FOXN2: variants seen among roughly 807,000 people sequenced by gnomAD.
FOXN2 encodes the protein forkhead box protein N2.
FOXN2 carries 19 observed loss-of-function variants against 41.2 expected under a neutral mutation model. The observed-to-expected ratio is 0.46, with a 90% CI of 0.32 to 0.68. FOXN2 has a LOEUF of 0.68. Ranked by LOEUF, FOXN2 falls within the 30% of genes least tolerant of loss-of-function variation. The pLI, the probability that FOXN2 is intolerant of heterozygous loss-of-function variation, is 0.03. For missense variants in FOXN2, 587 were observed against 509.4 expected (o/e 1.15, Z -1.47); for synonymous variants, 195 against 176.8 (o/e 1.10, Z -0.82).
At chr2:48,315,237 C>T (rs1668825686) in intron 1 of FOXN2, among the ~76,000 whole-genome samples, 1 of 152,150 alleles carries the variant, frequency 6.6e-6, no homozygotes, top group Non-Finnish European at 1.5e-5. Context: ...CCAAGCACCT[C>T]GGAGCCTTTG....
intron 3 of FOXN2, among the ~76,000 whole-genome samples, chr2:48,347,065 C>T (rs1438581262): frequency 4.6e-5 from 7 of 151,954 alleles, no homozygotes. Flanking sequence ...ATGATAATCT[C>T]TGCCTTATAA....
chr2:48,326,012 C>G (rs990185290), intron 1 of FOXN2, among the ~76,000 whole-genome samples: 3 of 152,040 alleles, frequency 2.0e-5, no homozygotes, highest in Admixed American at 2.0e-4. Flanking sequence ...CCACGCCCAG[C>G]TAATATTTGT....
chr2:48,354,808 C>G (rs1364168883), intron 3 of FOXN2, among the ~76,000 whole-genome samples: 1 of 152,044 alleles, frequency 6.6e-6, no homozygotes, highest in Non-Finnish European at 1.5e-5. Context: ...GGAGGAAACA[C>G]AAATAGGCAA....
chr2:48,324,546 T>C (rs1300680306), intron 1 of FOXN2, among the ~76,000 whole-genome samples: 3 of 152,202 alleles, frequency 2.0e-5, no homozygotes, highest in Non-Finnish European at 4.4e-5. Context: ...AATGACTTCT[T>C]TGTTTAGTTA....
At chr2:48,356,876 A>G (rs1421795350) in intron 3 of FOXN2, among the ~76,000 whole-genome samples, 2 of 152,218 alleles carry the variant, frequency 1.3e-5, no homozygotes, top group African/African-American at 4.8e-5. Context: ...CAGAAGCCTT[A>G]GAGTTCTAAA....
At chr2:48,356,781 T>G (rs1388968295) in intron 3 of FOXN2, among the ~76,000 whole-genome samples, 1 of 152,236 alleles carries the variant, frequency 6.6e-6, no homozygotes, top group African/African-American at 2.4e-5. Context: ...TTACCACTTC[T>G]GTTAAGACAA....
chr2:48,328,682 T>G lies in FOXN2; in HGVS notation c.-35T>G, dbSNP rs1359675258. On this transcript the variant is annotated 5_prime_UTR_variant, in exon 2 of 7. Transcript: ENST00000340553. Reference sequence around the variant, plus strand: ...ACTGTATGACTTATAGTACAGGTGATATTACTTCTGATTCTAGATGGTAAG... The same window carrying G: ...ACTGTATGACTTATAGTACAGGTGAGATTACTTCTGATTCTAGATGGTAAG... 1 of 152,252 alleles carries G rather than the reference T, an allele frequency of 6.6e-6. No homozygotes were observed. The highest frequency in any genetic ancestry group is 2.4e-5 in the African/African-American group (1 of 41,454). 9.4% of individuals were successfully genotyped at this position (152,252 alleles called of 1,614,324 possible).
intron 5 of FOXN2, among the ~76,000 whole-genome samples, chr2:48,365,360 C>T (rs972250422): frequency 3.9e-5 from 6 of 152,220 alleles, no homozygotes; most frequent in Admixed American, 1.3e-4. Context: ...TGTGGTTTCT[C>T]TTTACATTTA....
chr2:48,338,689 G>A (rs1361578017), intron 2 of FOXN2, among the ~76,000 whole-genome samples: 3 of 152,036 alleles, frequency 2.0e-5, no homozygotes, highest in South Asian at 2.1e-4. Context: ...ATGAGCCACC[G>A]CGCCTGGCCT....
intron 5 of FOXN2, among the ~76,000 whole-genome samples, chr2:48,365,773 A>G (rs959127484): frequency 6.6e-6 from 1 of 152,224 alleles, no homozygotes; most frequent in Non-Finnish European, 1.5e-5. Context: ...ACAAATGCAC[A>G]TCTGTCCTGG....
At chr2:48,349,879 AG>A (rs1671346105) in intron 3 of FOXN2, among the ~76,000 whole-genome samples, 1 of 152,250 alleles carries the variant, frequency 6.6e-6, no homozygotes, top group Admixed American at 6.5e-5. Flanking sequence ...AAGAAAAAGA[AG>A]CCACCCAAAT....
chr2:48,375,173 T>C lies in FOXN2; in HGVS notation c.1026T>C (p.Asp342=). The change falls in exon 7 of 7, where the codon GAT becomes GAC. Residue 342 remains aspartate, a synonymous_variant. Transcript: ENST00000340553. ...FIPKNSHVGS[D]GSEGFHSEED... ...CAAAGAATAGTCACGTGGGAAGTGATGGCAGTGAAGGATTTCACAGTGAAG... is the reference window on the plus strand; with the variant it reads ...CAAAGAATAGTCACGTGGGAAGTGACGGCAGTGAAGGATTTCACAGTGAAG... The C allele has an allele frequency of 6.2e-6, 10 of 1,614,126 alleles. No homozygotes were observed. The highest frequency in any genetic ancestry group is 7.6e-6 in the Non-Finnish European group (9 of 1,180,000).
chr2:48,352,029 A>C (rs151079103), intron 3 of FOXN2, among the ~76,000 whole-genome samples: 1 of 147,744 alleles, frequency 6.8e-6, no homozygotes, highest in Non-Finnish European at 1.5e-5. Context: ...AGTGTGATGA[A>C]TATCATGCTT....
chr2:48,322,500 C>T (rs554171894), intron 1 of FOXN2, among the ~76,000 whole-genome samples: 8 of 152,256 alleles, frequency 5.3e-5, no homozygotes, highest in African/African-American at 1.7e-4. Context: ...TTTTCTTGCT[C>T]ATGCTCACGC....
At chr2:48,325,708 T>C (rs528980651) in intron 1 of FOXN2, among the ~76,000 whole-genome samples, 4 of 152,256 alleles carry the variant, frequency 2.6e-5, no homozygotes, top group African/African-American at 9.6e-5. Context: ...TATGAAGCTT[T>C]CAGTTAGTCA....
chr2:48,369,383 C>T (rs1672740917), intron 5 of FOXN2, among the ~76,000 whole-genome samples: 1 of 151,974 alleles, frequency 6.6e-6, no homozygotes, highest in Non-Finnish European at 1.5e-5. Flanking sequence ...ACTAAAAATA[C>T]AAAAATTAGC....
intron 6 of FOXN2, 61 bp from the exon 7 acceptor site, chr2:48,374,859 A>C (rs1345033832): frequency 7.1e-7 from 1 of 1,413,142 alleles, no homozygotes; most frequent in African/African-American, 1.4e-5. Flanking sequence ...GTAGTTTAAA[A>C]TTGGTCTGTT....
intron 2 of FOXN2, among the ~76,000 whole-genome samples, chr2:48,338,337 G>A (rs955430152): frequency 6.6e-6 from 1 of 152,064 alleles, no homozygotes; most frequent in Non-Finnish European, 1.5e-5. Context: ...CTTAACAGGT[G>A]AGAGTGTGCA....
At chr2:48,335,889 G>C (rs1209580251) in intron 2 of FOXN2, among the ~76,000 whole-genome samples, 1 of 151,774 alleles carries the variant, frequency 6.6e-6, no homozygotes, top group African/African-American at 2.4e-5. Flanking sequence ...TTAGCCAGGC[G>C]TGGTGGCAGG....
Sources: gnomAD v4.1 joint callset for allele counts (sites outside exome capture counted in the v4.1 genomes callset) on GRCh38, gnomAD v4.1.1 for gene constraint, MANE v1.5 for transcripts, NCBI Gene and HGNC (gene_info 2026-07-23, HGNC 2026-07-21) for gene names.